BPIFB3: variants seen among roughly 807,000 people sequenced by gnomAD.
The protein encoded by BPIFB3 is BPI fold-containing family B member 3.
A neutral mutation model predicts 53.1 loss-of-function variants in BPIFB3; 49 were observed. The ratio of observed to expected loss-of-function variants is 0.92; its 90% CI spans 0.73 to 1.17. BPIFB3 has a LOEUF of 1.17. BPIFB3 is among the 50% of genes most tolerant of loss of function. BPIFB3 has a pLI of 0.00. For synonymous variants in BPIFB3, 271 were observed against 269.6 expected, an observed-to-expected ratio of 1.01 and a Z score of -0.05; for missense variants, 628 against 592.5, an observed-to-expected ratio of 1.06 and a Z score of -0.62.
chr20:33,062,572 A>G (rs1295557037), intron 5 of BPIFB3, among the ~76,000 whole-genome samples: 2 of 152,236 alleles, frequency 1.3e-5, no homozygotes, highest in Non-Finnish European at 2.9e-5. Flanking sequence ...CAGGGCATGA[A>G]GGTGCATTTC....
At chr20:33,059,746 G>T in intron 3 of BPIFB3, 145 bp from the exon 5 acceptor site, 1 of 1,203,924 alleles carries the variant, frequency 8.3e-7, no homozygotes, top group East Asian at 2.6e-5. Context: ...CAGGGAAGAG[G>T]GTGCAGGGAA....
rs565691289 is a variant in BPIFB3 at position 33,068,523 on chromosome 20, G to T, written c.979-280G>T. ...GCAGCGGGAGGAGAGCAGGTGAAGT[G>T]GAGAGGCGGGCAGGGGATGGAGGAC... On this transcript the variant is annotated intron_variant, in intron 9 of 14. Coordinates refer to ENST00000375494, the Ensembl canonical transcript of BPIFB3. Among the ~76,000 whole-genome samples the T allele has an allele frequency of 9.2e-5, 14 of 152,308 alleles. No homozygotes were observed. In the South Asian group the frequency reaches 2.9e-3, roughly 32 times the overall value.
exon 2 of BPIFB3, chr20:33,056,564 G>A (rs1291828338): frequency 6.2e-7 from 1 of 1,613,834 alleles, no homozygotes; most frequent in Non-Finnish European, 8.5e-7. Context: ...CACTGGTTGG[G>A]GAGCCCATTC....
chr20:33,066,722 C>A, intron 8 of BPIFB3, 102 bp from the exon 10 acceptor site: 1 of 1,088,146 alleles, frequency 9.2e-7, no homozygotes, highest in Non-Finnish European at 1.4e-6. Context: ...ATGAAATTGG[C>A]AGGGTAGGGG....
rs1980778184 is a variant in BPIFB3 at position 33,068,991 on chromosome 20, G to T, written c.1149+18G>T. ...TGAACTCCGTGAGTGGTCAAGGGGT[G>T]GCTGGGGGCCCGGCATTGGGGTTCC... is the stretch of plus-strand genomic sequence containing the variant. On this transcript the variant is annotated intron_variant, in intron 10 of 14. Coordinates refer to ENST00000375494, the Ensembl canonical transcript of BPIFB3. The T allele has an allele frequency of 6.2e-7, 1 of 1,605,530 alleles. No homozygotes were observed. The highest frequency in any genetic ancestry group is 8.5e-7 in the Non-Finnish European group (1 of 1,173,806).
intron 10 of BPIFB3, among the ~76,000 whole-genome samples, chr20:33,069,311 C>G (rs900674462): frequency 3.3e-5 from 5 of 152,166 alleles, no homozygotes; most frequent in Admixed American, 6.5e-5. Flanking sequence ...CCCTCCCGCT[C>G]CAGTCAGCTT....
exon 6 of BPIFB3, chr20:33,063,665 G>T (rs1392967664): frequency 1.2e-6 from 2 of 1,613,916 alleles, no homozygotes; most frequent in South Asian, 2.2e-5. Context: ...AGCTCCTGGG[G>T]GCTGTGCTGG....
chr20:33,057,005 T>C (rs1291881307), intron 2 of BPIFB3, among the ~76,000 whole-genome samples: 2 of 152,146 alleles, frequency 1.3e-5, no homozygotes, highest in Non-Finnish European at 2.9e-5. Flanking sequence ...CTCCTCCAGG[T>C]GTCCGCTCAA....
intron 10 of BPIFB3, 71 bp from the exon 12 acceptor site, chr20:33,069,817 G>C: frequency 6.8e-7 from 1 of 1,480,990 alleles, no homozygotes; most frequent in Non-Finnish European, 9.4e-7. Flanking sequence ...GGAACAGATG[G>C]ATGGAGGCAG....
intron 10 of BPIFB3, among the ~76,000 whole-genome samples, chr20:33,069,409 CCTGACATTCATTGTCCTT>C (rs1283289859): frequency 6.6e-6 from 1 of 152,186 alleles, no homozygotes; most frequent in Non-Finnish European, 1.5e-5. Context: ...AACACCTGAG[CCTGACATTCATTGTCCTT>C]CTGCCCCATC....
At chr20:33,061,205 T>G (rs1422301182) in intron 4 of BPIFB3, among the ~76,000 whole-genome samples, 4 of 152,144 alleles carry the variant, frequency 2.6e-5, no homozygotes, top group Non-Finnish European at 5.9e-5. Context: ...GGCAAGGGCT[T>G]TGGGCTCCTT....
intron 6 of BPIFB3, among the ~76,000 whole-genome samples, chr20:33,063,972 T>G (rs1217231470): frequency 6.6e-6 from 1 of 152,110 alleles, no homozygotes; most frequent in Non-Finnish European, 1.5e-5. Flanking sequence ...GAAGATATAA[T>G]GATTACCTGG....
chr20:33,061,001 C>T (rs1980432771), intron 4 of BPIFB3, among the ~76,000 whole-genome samples: 1 of 152,224 alleles, frequency 6.6e-6, no homozygotes, highest in Admixed American at 6.5e-5. Context: ...CTGAGCCAGC[C>T]CACAGCTGCC....
At chr20:33,055,650 G>C in intron 1 of BPIFB3, 103 bp downstream of exon 2, 1 of 1,523,242 alleles carries the variant, frequency 6.6e-7, no homozygotes, top group Non-Finnish European at 8.9e-7. Context: ...AGCAGGTTGT[G>C]ATTCTCAGCT....
rs146783248 is a variant in BPIFB3 at position 33,056,684 on chromosome 20, C to T, written c.267C>T (p.Val89=). Residue 89 remains valine (V), a synonymous_variant, in exon 2 of 15, where the codon GTC becomes GTT. Coordinates refer to ENST00000375494, the Ensembl canonical transcript of BPIFB3. The stretch of plus-strand genomic sequence containing the variant: ...GCCACGGAGGGGTTTTTGGCGTTGT[C>T]GAGGAGCTCTCTGGGTGAGTCCCAC... 71 of 1,601,418 alleles carry T rather than the reference C, an allele frequency of 4.4e-5. No homozygotes were observed. The African/African-American group carries it at 5.4e-4, about 12-fold the overall frequency.
chr20:33,056,743 C>A, intron 2 of BPIFB3, 45 bp downstream of exon 3: 1 of 1,512,652 alleles, frequency 6.6e-7, no homozygotes, highest in South Asian at 1.3e-5. Context: ...CTTGGCTTTG[C>A]TTCCAGGAAT....
At position 33,061,698 on chromosome 20, in the gene BPIFB3, G is replaced by A. The variant is rs145528176; in HGVS notation, c.528-70G>A. ...GAGAAATCCAGAGCCCCTAGTGTCC[G>A]CCCGACCCTGTCATCTGGGTTGAAC... On this transcript the variant is annotated intron_variant, in intron 4 of 14. Transcript: ENST00000375494. 1,591 of 1,492,792 alleles carry A rather than the reference G, an allele frequency of 1.1e-3. 38 individuals are homozygous for A. The East Asian group carries it at 0.03, about 28-fold the overall frequency. 92.5% of individuals were successfully genotyped at this position (1,492,792 alleles called of 1,614,324 possible).
At chr20:33,073,691 T>C, downstream of BPIFB3, 1 of 1,507,612 alleles carries the variant, frequency 6.6e-7, no homozygotes, top group Non-Finnish European at 9.2e-7. Flanking sequence ...AGTCTCTAGC[T>C]GATGTTGGTG....
rs146783248 is a variant in BPIFB3, at chr20:33,056,684, C to G, written c.267C>G (p.Val89=). 30 of 1,601,538 alleles carry G rather than the reference C, an allele frequency of 1.9e-5. No individual in the cohort carries two copies. In the African/African-American group the frequency reaches 3.9e-4, roughly 21 times the overall value. Residue 89 remains valine (V), a synonymous_variant, in exon 2 of 15, where the codon GTC becomes GTG. Transcript: ENST00000375494. The stretch of plus-strand genomic sequence containing the variant: ...GCCACGGAGGGGTTTTTGGCGTTGT[C>G]GAGGAGCTCTCTGGGTGAGTCCCAC...
Sources: allele counts gnomAD v4.1 joint callset (sites outside exome capture counted in the v4.1 genomes callset), GRCh38; gene constraint gnomAD v4.1.1; transcripts MANE v1.5; gene names NCBI Gene and HGNC (gene_info 2026-07-23, HGNC 2026-07-21).